The following PIK3C2G variants were observed in gnomAD, a reference collection of about 807,000 sequenced individuals.
PIK3C2G encodes phosphatidylinositol-4-phosphate 3-kinase catalytic subunit type 2 gamma.
Under a neutral mutation model 181.1 loss-of-function variants are expected in PIK3C2G, and 168 were observed. That is an observed-to-expected ratio of 0.93 (90% CI 0.82 to 1.05). The LOEUF (loss-of-function observed/expected upper bound fraction) is 1.05, where lower values mean the gene tolerates loss of function less well. PIK3C2G is among the 50% of genes least tolerant of loss of function. The probability of loss-of-function intolerance (pLI) is 0.00; values close to 1 mark genes in which losing one functional copy is unlikely to be tolerated. For missense variants in PIK3C2G, 1,869 were observed against 1,732.8 expected (o/e 1.08, Z -1.40); for synonymous variants, 573 against 592.2 (o/e 0.97, Z 0.47).
intron 11 of PIK3C2G, among the ~76,000 whole-genome samples, chr12:18,354,585 C>T (rs1181259250): frequency 6.6e-6 from 1 of 152,214 alleles, no homozygotes; most frequent in Non-Finnish European, 1.5e-5. Context: ...CTTGCATTTA[C>T]AGAAAAGTTC....
intron 1 of PIK3C2G, among the ~76,000 whole-genome samples, chr12:18,268,197 T>C (rs1466121825): frequency 6.6e-6 from 1 of 152,192 alleles, no homozygotes; most frequent in East Asian, 1.9e-4. Context: ...TGTTTTGACT[T>C]ACATATGATA....
At chr12:18,272,657 C>T (rs892033209) in intron 1 of PIK3C2G, among the ~76,000 whole-genome samples, 3 of 152,020 alleles carry the variant, frequency 2.0e-5, no homozygotes, top group Admixed American at 1.3e-4. Context: ...ACAATTAATT[C>T]ATTGTGCATG....
the PIK3C2G span, among the ~76,000 whole-genome samples, chr12:18,659,828 T>C: frequency 6.6e-6 from 1 of 152,066 alleles, no homozygotes; most frequent in African/African-American, 2.4e-5. Flanking sequence ...AAAGGAGAAA[T>C]TAAGACTCTC....
At chr12:18,398,990 T>A (rs56219585) in intron 15 of PIK3C2G, among the ~76,000 whole-genome samples, 13,091 of 151,446 alleles carry the variant, frequency 0.086, 899 homozygotes, top group Admixed American at 0.24. Context: ...GGTCAGGAGA[T>A]CGAGACCATC....
chr12:18,650,716 A>ATATATATATC (rs1950460709), downstream of PIK3C2G, among the ~76,000 whole-genome samples: 1 of 4,732 alleles, frequency 2.1e-4, no homozygotes, highest in Non-Finnish European at 4.8e-4. Context: ...ATATATCTAT[A>ATATATATATC]TATATATATA....
intron 4 of PIK3C2G, among the ~76,000 whole-genome samples, chr12:18,291,229 T>C (rs4237974): frequency 0.45 from 68,144 of 151,936 alleles, 15,543 homozygotes; most frequent in Non-Finnish European, 0.51. Context: ...GCTCACCCGA[T>C]AATATTTTAT....
intron 20 of PIK3C2G, among the ~76,000 whole-genome samples, chr12:18,494,929 A>G (rs1940879403): frequency 1.3e-5 from 2 of 151,904 alleles, no homozygotes; most frequent in Non-Finnish European, 2.9e-5. Flanking sequence ...TAACTAAACA[A>G]TCCCTTGCTT....
chr12:18,550,956 CTATT>C (rs577682934), intron 26 of PIK3C2G, among the ~76,000 whole-genome samples: 1 of 152,042 alleles, frequency 6.6e-6, no homozygotes, highest in African/African-American at 2.4e-5. Flanking sequence ...AGAATGTACT[CTATT>C]TATGAACAAC....
intron 29 of PIK3C2G, among the ~76,000 whole-genome samples, chr12:18,572,452 C>T (rs2090875555): frequency 6.7e-6 from 1 of 149,454 alleles, no homozygotes; most frequent in African/African-American, 2.4e-5. Context: ...TAGCTATATC[C>T]ATATATCTGC....
chr12:18,343,305 A>T, intron 9 of PIK3C2G, 22 bp from the exon 10 acceptor site: 1 of 1,272,666 alleles, frequency 7.9e-7, no homozygotes, highest in Non-Finnish European at 1.1e-6. Flanking sequence ...AATAACAAGT[A>T]TAATTTTACA....
chr12:18,295,117 A>G (rs1176694673), intron 5 of PIK3C2G, among the ~76,000 whole-genome samples: 1 of 149,942 alleles, frequency 6.7e-6, no homozygotes, highest in Non-Finnish European at 1.5e-5. Context: ...TTATTATTTT[A>G]TAATAAATAA....
At chr12:18,311,618 T>C (rs1307435442) in intron 5 of PIK3C2G, among the ~76,000 whole-genome samples, 4 of 152,078 alleles carry the variant, frequency 2.6e-5, no homozygotes, top group African/African-American at 4.8e-5. Context: ...TACATACATG[T>C]ATACACACAC....
chr12:18,437,513 C>T (rs540371557), intron 18 of PIK3C2G, among the ~76,000 whole-genome samples: 1 of 152,044 alleles, frequency 6.6e-6, no homozygotes, highest in Non-Finnish European at 1.5e-5. Context: ...ATACACTAAC[C>T]ACTCTTGACA....
rs1940115531 is a variant in PIK3C2G at position 18,487,096 on chromosome 12, T to TGTGTG, written c.2505-1353_2505-1352insGTGTG. ...TACATCTTTAGTCCCTTGAGGTATTTTGTGTGTGTGTGTGTGTGTGTGTGT... is the reference window on the plus strand; with the variant it reads ...TACATCTTTAGTCCCTTGAGGTATTTGTGTGTGTGTGTGTGTGTGTGTGTGTGTGT... On this transcript the variant is annotated intron_variant, in intron 18 of 32. Coordinates refer to ENST00000538779, the MANE Select transcript of PIK3C2G (RefSeq NM_001288772.2). 4.2e-5 allele frequency among the ~76,000 whole-genome samples: 6 copies of TGTGTG among 142,200 alleles called. No individual in the cohort carries two copies. In the East Asian group the frequency reaches 8.4e-4, roughly 20 times the overall value. The allele number at this position is 142,200 out of a possible 152,430, so 93.3% of individuals were successfully genotyped here. A position where few individuals can be genotyped will look rare whatever the true frequency, so the allele number is the denominator to read the frequency against.
the PIK3C2G span, among the ~76,000 whole-genome samples, chr12:18,714,463 T>C: frequency 6.6e-6 from 1 of 152,212 alleles, no homozygotes; most frequent in South Asian, 2.1e-4. Flanking sequence ...ACTGTAGAGA[T>C]GTAAGAAGAG....
chr12:18,644,957 T>C (rs1272916870), intron 32 of PIK3C2G, among the ~76,000 whole-genome samples: 1 of 152,182 alleles, frequency 6.6e-6, no homozygotes, highest in African/African-American at 2.4e-5. Flanking sequence ...TGTCAACTAA[T>C]GTTCAGTAAA....
intron 14 of PIK3C2G, among the ~76,000 whole-genome samples, chr12:18,383,216 G>A (rs192232670): frequency 2.6e-4 from 39 of 152,290 alleles, no homozygotes; most frequent in African/African-American, 9.1e-4. Flanking sequence ...TTTGATTCAT[G>A]TTTTACATAT....
At chr12:18,580,314 T>A (rs1302621801) in intron 29 of PIK3C2G, among the ~76,000 whole-genome samples, 1 of 152,212 alleles carries the variant, frequency 6.6e-6, no homozygotes, top group African/African-American at 2.4e-5. Context: ...TCAGTACTGT[T>A]GTTCATTACC....
chr12:18,292,835 C>G (rs1949771039), intron 4 of PIK3C2G, among the ~76,000 whole-genome samples: 3 of 152,280 alleles, frequency 2.0e-5, no homozygotes, highest in Middle Eastern at 3.4e-3. Flanking sequence ...GATTTGGAGT[C>G]TGACAGATCT....
Sources: gnomAD v4.1 joint callset for allele counts (sites outside exome capture counted in the v4.1 genomes callset) on GRCh38, gnomAD v4.1.1 for gene constraint, MANE v1.5 for transcripts, NCBI Gene and HGNC (gene_info 2026-07-23, HGNC 2026-07-21) for gene names.